Variants in SDK1 observed in about 807,000 individuals in gnomAD.
SDK1 encodes protein sidekick-1.
In SDK1, 157 loss-of-function variants were observed where a neutral mutation model predicts 245.5. The observed-to-expected ratio is 0.64, with a 90% CI of 0.56 to 0.73. The LOEUF (loss-of-function observed/expected upper bound fraction) is 0.73. SDK1 is among the 30% of genes least tolerant of loss of function. The pLI is 0.00. For missense variants in SDK1, 3,583 were observed against 3,002.3 expected (o/e 1.19, Z -4.52); for synonymous variants, 1,647 against 1,278.5 (o/e 1.29, Z -6.15).
intron 44 of SDK1, among the ~76,000 whole-genome samples, chr7:4,251,550 C>T (rs769147232): frequency 6.6e-6 from 1 of 152,170 alleles, no homozygotes; most frequent in Non-Finnish European, 1.5e-5. Context: ...AACTCACTGC[C>T]CAGGGTTTTT....
chr7:3,733,393 G>A (rs1482172538), intron 4 of SDK1, among the ~76,000 whole-genome samples: 1 of 152,172 alleles, frequency 6.6e-6, no homozygotes, highest in African/African-American at 2.4e-5. Context: ...TTATGAGTTA[G>A]TGTGCATGAT....
chr7:3,656,524 T>C (rs901077395), intron 4 of SDK1, among the ~76,000 whole-genome samples: 1 of 152,098 alleles, frequency 6.6e-6, no homozygotes, highest in Admixed American at 6.5e-5. Flanking sequence ...GAGTCAAAAA[T>C]TAAGAAAACT....
intron 36 of SDK1, among the ~76,000 whole-genome samples, chr7:4,207,170 A>G (rs537109425): frequency 2.8e-4 from 42 of 152,320 alleles, no homozygotes; most frequent in Non-Finnish European, 5.0e-4. Context: ...CAGCAAGAGC[A>G]AGGCGGGCGG....
At chr7:4,051,578 C>A in intron 18 of SDK1, 60 bp from the exon 19 acceptor site, 1 of 1,417,064 alleles carries the variant, frequency 7.1e-7, no homozygotes, top group African/African-American at 1.4e-5. Context: ...CTGCTGCAGA[C>A]ATGAGTGTGG....
chr7:3,973,239 G>T (rs1782631623), intron 12 of SDK1, among the ~76,000 whole-genome samples: 1 of 152,132 alleles, frequency 6.6e-6, no homozygotes, highest in African/African-American at 2.4e-5. Flanking sequence ...TCCCTCTTGT[G>T]GAATCAGCCC....
chr7:3,549,094 T>G (rs1487515780), intron 1 of SDK1, among the ~76,000 whole-genome samples: 1 of 152,224 alleles, frequency 6.6e-6, no homozygotes, highest in Non-Finnish European at 1.5e-5. Context: ...CCATTCAATG[T>G]AAGTGCAGCA....
At chr7:3,828,911 C>T (rs890231726) in intron 5 of SDK1, among the ~76,000 whole-genome samples, 4 of 152,048 alleles carry the variant, frequency 2.6e-5, no homozygotes, top group African/African-American at 7.2e-5. Flanking sequence ...CCCACCTTGG[C>T]CTCCCAAACC....
At chr7:3,658,188 T>G (rs1783247689) in intron 4 of SDK1, among the ~76,000 whole-genome samples, 1 of 152,202 alleles carries the variant, frequency 6.6e-6, no homozygotes, top group African/African-American at 2.4e-5. Flanking sequence ...TAAGAGCCCT[T>G]TGTGAATCAT....
intron 1 of SDK1, among the ~76,000 whole-genome samples, chr7:3,541,289 A>G (rs922177464): frequency 6.6e-6 from 1 of 152,226 alleles, no homozygotes; most frequent in African/African-American, 2.4e-5. Context: ...TAGTAGAGCA[A>G]AACCCTTTTA....
chr7:4,201,065 A>G (rs866318615), intron 35 of SDK1, among the ~76,000 whole-genome samples: 25 of 152,220 alleles, frequency 1.6e-4, no homozygotes, highest in African/African-American at 4.6e-4. Context: ...ACTGGGCACC[A>G]TGTCCTTTGT....
chr7:3,624,568 A>T lies in SDK1; in HGVS notation c.458+5329A>T, dbSNP rs907345846. 2.0e-4 allele frequency among the ~76,000 whole-genome samples: 30 copies of T among 152,212 alleles called. 1 individual carries two copies. Among genetic ancestry groups the T allele is most frequent in the Admixed American group, 1.9e-3 (29 of 15,276 alleles). On this transcript the variant is annotated intron_variant, in intron 2 of 44. Coordinates refer to ENST00000404826, the MANE Select transcript of SDK1 (RefSeq NM_152744.4). The stretch of plus-strand genomic sequence containing the variant: ...AACTGATGAAGTTTTTCTAAAGCTC[A>T]TCTAGAAATGTAAACAGAAGAATAC...
At chr7:3,307,516 C>G (rs986181940) in intron 1 of SDK1, among the ~76,000 whole-genome samples, 1 of 152,152 alleles carries the variant, frequency 6.6e-6, no homozygotes, top group African/African-American at 2.4e-5. Context: ...ATACAAAAAT[C>G]ATGATTATTA....
chr7:4,155,625 A>T (rs956307792), intron 30 of SDK1, among the ~76,000 whole-genome samples: 1 of 152,248 alleles, frequency 6.6e-6, no homozygotes, highest in Admixed American at 6.5e-5. Context: ...TCGCAAATAA[A>T]TAAATAAGTA....
intron 1 of SDK1, among the ~76,000 whole-genome samples, chr7:3,452,430 G>C (rs763291805): frequency 1.3e-5 from 2 of 152,152 alleles, no homozygotes; most frequent in Non-Finnish European, 2.9e-5. Context: ...CAATTGTAGA[G>C]AGCCTCTTAC....
Position 3,385,766 on chromosome 7 carries a change from C to G in SDK1, c.298+83882C>G, listed in dbSNP as rs146603444. 7.2e-4 allele frequency among the ~76,000 whole-genome samples: 109 copies of G among 152,244 alleles called. 1 individual carries two copies. The highest frequency in any genetic ancestry group is 2.6e-3 in the African/African-American group (107 of 41,556). ...ATCATTAGTGAGGTGAGATGGAGAT[C>G]ATATTTTGTGGCGATTAGTAAGGGA... On this transcript the variant is annotated intron_variant, in intron 1 of 44. Transcript: ENST00000404826.
At chr7:3,355,881 T>G (rs964891657) in intron 1 of SDK1, among the ~76,000 whole-genome samples, 1 of 152,164 alleles carries the variant, frequency 6.6e-6, no homozygotes, top group Admixed American at 6.6e-5. Context: ...CCCTCTAGAG[T>G]GAACTTGATC....
chr7:4,245,983 C>A (rs2128239339), intron 44 of SDK1, among the ~76,000 whole-genome samples, 178 bp downstream of exon 44: 1 of 152,336 alleles, frequency 6.6e-6, no homozygotes, highest in East Asian at 1.9e-4. Context: ...ACCCCACGGC[C>A]TGCTCTGGGC....
chr7:3,963,875 C>G (rs111953221), intron 9 of SDK1, among the ~76,000 whole-genome samples: 1 of 135,132 alleles, frequency 7.4e-6, no homozygotes, highest in Admixed American at 7.6e-5. Flanking sequence ...CACGGCTACC[C>G]GGACATATCC....
At chr7:4,134,989 C>T (rs1046722288) in intron 28 of SDK1, among the ~76,000 whole-genome samples, 1 of 152,206 alleles carries the variant, frequency 6.6e-6, no homozygotes, top group Non-Finnish European at 1.5e-5. Context: ...GGACTCACGC[C>T]GATGTCCTCT....
Sources: gnomAD v4.1 joint callset for allele counts (sites outside exome capture counted in the v4.1 genomes callset) on GRCh38, gnomAD v4.1.1 for gene constraint, MANE v1.5 for transcripts, NCBI Gene and HGNC (gene_info 2026-07-23, HGNC 2026-07-21) for gene names.